Variants in WDR49 observed in about 807,000 individuals in gnomAD.
The protein encoded by WDR49 is cilia- and flagella-associated protein 337.
In WDR49, 107 loss-of-function variants were observed where a neutral mutation model predicts 119.5. The ratio of observed to expected loss-of-function variants is 0.90; its 90% CI spans 0.77 to 1.05. WDR49 has a LOEUF of 1.05. WDR49 is among the 50% of genes least tolerant of loss of function. WDR49 has a pLI of 0.00. For synonymous variants in WDR49, 425 were observed against 418.8 expected (o/e 1.01, Z -0.18); for missense variants, 1,240 against 1,220.5 (o/e 1.02, Z -0.24).
In WDR49 at chr3:167,627,287, T is replaced by C. The variant is rs2108327507; in HGVS notation, c.171A>G (p.Pro57=). The C allele has an allele frequency of 1.6e-6, 2 of 1,234,814 alleles. No individual in the cohort carries two copies. Among genetic ancestry groups the C allele is most frequent in the East Asian group, 6.3e-5 (2 of 31,714 alleles). 76.5% of individuals were successfully genotyped at this position (1,234,814 alleles called of 1,614,324 possible). A position where few individuals can be genotyped will look rare whatever the true frequency, so the allele number is the denominator to read the frequency against. Residue 57 remains proline (P), a synonymous_variant, in exon 3 of 19, where the codon CCA becomes CCG. Coordinates refer to ENST00000682715, the MANE Select transcript of WDR49 (RefSeq NM_001366157.1). ...ACATACAAATGATTTTCCTTGGCTG[T>C]GGGGACTAGAAACAGGAATCCAAAA... ...FVKIQKAFES[P]QPRKIICMSR... is the part of the protein sequence containing the mutation.
At chr3:167,494,603 A>G (rs1751274943) in intron 18 of WDR49, among the ~76,000 whole-genome samples, 1 of 152,170 alleles carries the variant, frequency 6.6e-6, no homozygotes, top group Non-Finnish European at 1.5e-5. Flanking sequence ...ATTGCCAAGT[A>G]TTTTCTTCTT....
chr3:167,485,417 C>G (rs1750883855), intron 18 of WDR49, among the ~76,000 whole-genome samples: 1 of 151,180 alleles, frequency 6.6e-6, no homozygotes, highest in Non-Finnish European at 1.5e-5. Context: ...TGTATGTATA[C>G]TTGAATACAC....
intron 16 of WDR49, among the ~76,000 whole-genome samples, chr3:167,511,501 T>C (rs748910008): frequency 1.6e-4 from 24 of 152,218 alleles, no homozygotes; most frequent in African/African-American, 1.2e-4. Context: ...GCTCCAGTTT[T>C]AAGAGAAGTC....
intron 10 of WDR49, among the ~76,000 whole-genome samples, chr3:167,550,780 A>ATTT (rs1560281510): frequency 0.013 from 1,745 of 136,192 alleles, 23 homozygotes; most frequent in African/African-American, 0.041. Flanking sequence ...TTTTTTTTTG[A>ATTT]GAGAGAGAGA....
intron 10 of WDR49, among the ~76,000 whole-genome samples, chr3:167,537,725 G>A (rs1711546945): frequency 6.6e-6 from 1 of 151,944 alleles, no homozygotes; most frequent in Non-Finnish European, 1.5e-5. Context: ...TCCATTGTTG[G>A]GGCATTAATA....
chr3:167,525,625 G>A (rs183069550), intron 15 of WDR49, among the ~76,000 whole-genome samples: 16 of 152,166 alleles, frequency 1.1e-4, no homozygotes, highest in Non-Finnish European at 2.1e-4. Flanking sequence ...GTGGGGCACT[G>A]AAGAATTTCA....
At chr3:167,539,072 A>G (rs1328806298) in intron 10 of WDR49, among the ~76,000 whole-genome samples, 1 of 152,206 alleles carries the variant, frequency 6.6e-6, no homozygotes, top group African/African-American at 2.4e-5. Context: ...ACTGGAAGCC[A>G]TAGAGTAAAT....
At chr3:167,620,995 G>C (rs759784705) in intron 4 of WDR49, among the ~76,000 whole-genome samples, 10 of 151,778 alleles carry the variant, frequency 6.6e-5, no homozygotes, top group Non-Finnish European at 1.0e-4. Flanking sequence ...CAATATCTAG[G>C]TTTCAGAGCT....
intron 18 of WDR49, among the ~76,000 whole-genome samples, chr3:167,491,708 G>C (rs1305795346): frequency 1.3e-5 from 2 of 152,052 alleles, no homozygotes; most frequent in Non-Finnish European, 2.9e-5. Context: ...ATGGGTTCTG[G>C]GGAATTTATT....
chr3:167,561,611 G>C (rs999129707), intron 8 of WDR49, among the ~76,000 whole-genome samples: 4 of 152,170 alleles, frequency 2.6e-5, no homozygotes, highest in African/African-American at 9.7e-5. Context: ...TTGGGTTAGG[G>C]AGTGGAGGAG....
intron 2 of WDR49, among the ~76,000 whole-genome samples, chr3:167,633,978 G>T (rs758293644): frequency 6.6e-6 from 1 of 151,788 alleles, no homozygotes; most frequent in Non-Finnish European, 1.5e-5. Flanking sequence ...TGGGAATTTC[G>T]GAAATTTTAC....
chr3:167,483,630 A>G (rs1750809772), intron 18 of WDR49, among the ~76,000 whole-genome samples: 1 of 152,224 alleles, frequency 6.6e-6, no homozygotes, highest in Non-Finnish European at 1.5e-5. Context: ...TTTATTTATA[A>G]AAGTGGCTAT....
At position 167,598,481 on chromosome 3, in the gene WDR49, G is replaced by A. The variant is rs143283285; in HGVS notation, c.1275+3646C>T. Reference sequence around the variant, plus strand: ...ATCATTGGGGCAGTTTCCTCATGCTGTTCTCATGATAGTAAGTGAGTTCTC... The same window carrying A: ...ATCATTGGGGCAGTTTCCTCATGCTATTCTCATGATAGTAAGTGAGTTCTC... On this transcript the variant is annotated intron_variant, in intron 7 of 18. Coordinates refer to ENST00000682715, the MANE Select transcript of WDR49 (RefSeq NM_001366157.1). Among the ~76,000 whole-genome samples, 42 of 152,158 alleles carry A rather than the reference G, an allele frequency of 2.8e-4. No homozygotes were observed. In the East Asian group the frequency reaches 5.4e-3, roughly 20 times the overall value.
chr3:167,563,000 A>T (rs1713359332), intron 8 of WDR49, among the ~76,000 whole-genome samples: 1 of 152,232 alleles, frequency 6.6e-6, no homozygotes, highest in Non-Finnish European at 1.5e-5. Flanking sequence ...TGCATATCCA[A>T]ATCAATTTAA....
At chr3:167,623,443 G>A (rs1363648540) in intron 3 of WDR49, among the ~76,000 whole-genome samples, 2 of 151,926 alleles carry the variant, frequency 1.3e-5, no homozygotes, top group African/African-American at 2.4e-5. Context: ...AAAGCTATAT[G>A]GTAATCTTAG....
intron 7 of WDR49, among the ~76,000 whole-genome samples, chr3:167,588,907 T>G (rs1714964073): frequency 1.3e-5 from 2 of 152,260 alleles, no homozygotes; most frequent in Middle Eastern, 3.4e-3. Flanking sequence ...CTTTATTGAT[T>G]GTATACTTTG....
At chr3:167,529,791 C>G (rs1752779482) in intron 13 of WDR49, among the ~76,000 whole-genome samples, 1 of 151,996 alleles carries the variant, frequency 6.6e-6, no homozygotes, top group South Asian at 2.1e-4. Flanking sequence ...TTATAAAACC[C>G]CTTTTTGGTG....
intron 5 of WDR49, among the ~76,000 whole-genome samples, chr3:167,616,085 T>C (rs1716582751): frequency 6.6e-6 from 1 of 152,210 alleles, no homozygotes; most frequent in Admixed American, 6.5e-5. Flanking sequence ...TAAACTGAAA[T>C]ATGCCAGTGC....
intron 16 of WDR49, among the ~76,000 whole-genome samples, chr3:167,516,369 A>G (rs1026126370): frequency 2.7e-4 from 41 of 150,862 alleles, no homozygotes; most frequent in African/African-American, 9.0e-4. Flanking sequence ...TTGTCCTTGC[A>G]ATAGTTTGCT....
Sources: gnomAD v4.1 joint callset for allele counts (sites outside exome capture counted in the v4.1 genomes callset) on GRCh38, gnomAD v4.1.1 for gene constraint, MANE v1.5 for transcripts, NCBI Gene and HGNC (gene_info 2026-07-23, HGNC 2026-07-21) for gene names.